DLC1: variants seen among roughly 807,000 people sequenced by gnomAD.
DLC1 encodes DLC1 Rho GTPase activating protein.
A neutral mutation model predicts 140.3 loss-of-function variants in DLC1; 54 were observed. That is an observed-to-expected ratio of 0.38 (90% CI 0.31 to 0.48). The LOEUF (loss-of-function observed/expected upper bound fraction) is 0.48. Ranked by LOEUF, DLC1 falls within the 20% of genes least tolerant of loss-of-function variation. The pLI, the probability that DLC1 is intolerant of heterozygous loss-of-function variation, is 0.96. For missense variants in DLC1, 2,536 were observed against 1,907.0 expected (o/e 1.33, Z -6.14); for synonymous variants, 986 against 728.1 (o/e 1.35, Z -5.70).
chr8:13,371,942 T>C (rs1835749733), intron 4 of DLC1, among the ~76,000 whole-genome samples: 1 of 152,074 alleles, frequency 6.6e-6, no homozygotes, highest in Non-Finnish European at 1.5e-5. Flanking sequence ...ACTGAGGAAG[T>C]ATATCATAAA....
At chr8:13,403,162 T>A (rs1036727862) in intron 2 of DLC1, among the ~76,000 whole-genome samples, 7 of 152,242 alleles carry the variant, frequency 4.6e-5, no homozygotes, top group Non-Finnish European at 8.8e-5. Context: ...ATGCTGTTGT[T>A]ATTACTTCAG....
chr8:13,460,860 T>C (rs1019467302), intron 2 of DLC1, among the ~76,000 whole-genome samples: 3 of 152,204 alleles, frequency 2.0e-5, no homozygotes, highest in Non-Finnish European at 4.4e-5. Context: ...CTTTCCTCTA[T>C]GGAGTTACAG....
intron 2 of DLC1, among the ~76,000 whole-genome samples, chr8:13,489,940 T>C (rs1436236544): frequency 6.6e-6 from 1 of 152,224 alleles, no homozygotes; most frequent in Non-Finnish European, 1.5e-5. Context: ...CTGTACTATG[T>C]GGATGTTTAA....
At chr8:13,186,142 C>T (rs778603397) in intron 5 of DLC1, among the ~76,000 whole-genome samples, 6 of 152,064 alleles carry the variant, frequency 3.9e-5, no homozygotes, top group Non-Finnish European at 7.4e-5. Context: ...TTGGTCTTCT[C>T]GAGAAGTATC....
chr8:13,600,986 ACTT>A (rs1463208551), intron 1 of DLC1, among the ~76,000 whole-genome samples: 1 of 151,806 alleles, frequency 6.6e-6, no homozygotes, highest in African/African-American at 2.4e-5. Flanking sequence ...TTTATTCAGT[ACTT>A]CTTAACACAT....
chr8:13,350,379 G>T (rs1382900792), intron 4 of DLC1, among the ~76,000 whole-genome samples: 1 of 151,596 alleles, frequency 6.6e-6, no homozygotes, highest in African/African-American at 2.4e-5. Flanking sequence ...TCTTTTCCAA[G>T]ACTATAAGCT....
intron 5 of DLC1, among the ~76,000 whole-genome samples, chr8:13,147,574 G>C (rs559024155): frequency 6.6e-6 from 1 of 152,310 alleles, no homozygotes; most frequent in East Asian, 1.9e-4. Context: ...TAATGAAGCA[G>C]TTCTACTCCA....
At chr8:13,477,130 A>G (rs1483350711) in intron 2 of DLC1, among the ~76,000 whole-genome samples, 1 of 152,190 alleles carries the variant, frequency 6.6e-6, no homozygotes, top group Non-Finnish European at 1.5e-5. Context: ...GAAGCTATGC[A>G]GAGGAAGCAC....
At chr8:13,562,876 A>G (rs920184785) in intron 1 of DLC1, among the ~76,000 whole-genome samples, 1 of 151,736 alleles carries the variant, frequency 6.6e-6, no homozygotes, top group African/African-American at 2.4e-5. Context: ...ATGCTGTTGT[A>G]AAGTGGTATC....
chr8:13,540,735 C>G (rs1242516886), intron 1 of DLC1, among the ~76,000 whole-genome samples: 1 of 152,148 alleles, frequency 6.6e-6, no homozygotes. Flanking sequence ...AAACCCCAAC[C>G]AGTTGGTCAC....
At chr8:13,185,794 C>A (rs578031010) in intron 5 of DLC1, among the ~76,000 whole-genome samples, 64 of 152,214 alleles carry the variant, frequency 4.2e-4, no homozygotes, top group African/African-American at 1.5e-3. Flanking sequence ...CTGGTTGATC[C>A]TTTCCATGTT....
At chr8:13,396,359 T>C (rs1041678061) in intron 3 of DLC1, among the ~76,000 whole-genome samples, 2 of 152,160 alleles carry the variant, frequency 1.3e-5, no homozygotes, top group Non-Finnish European at 2.9e-5. Flanking sequence ...GCGCCTGGCC[T>C]TGCATTAATT....
At chr8:13,427,719 T>C (rs955855176) in intron 2 of DLC1, among the ~76,000 whole-genome samples, 1 of 152,218 alleles carries the variant, frequency 6.6e-6, no homozygotes, top group Non-Finnish European at 1.5e-5. Flanking sequence ...GCAATTATAG[T>C]CATATATGTC....
At chr8:13,531,531 A>G (rs1257630124) in intron 1 of DLC1, among the ~76,000 whole-genome samples, 5 of 152,182 alleles carry the variant, frequency 3.3e-5, no homozygotes. Flanking sequence ...GGTTGCAGTG[A>G]GCCAAGATCA....
chr8:13,294,299 C>T (rs1011818204), intron 5 of DLC1, among the ~76,000 whole-genome samples: 6 of 151,966 alleles, frequency 3.9e-5, no homozygotes, highest in Non-Finnish European at 7.4e-5. Flanking sequence ...TACTGTGCTA[C>T]ATCATGTTTT....
At chr8:13,113,384 T>C (rs1165937389) in intron 6 of DLC1, among the ~76,000 whole-genome samples, 1 of 152,198 alleles carries the variant, frequency 6.6e-6, no homozygotes, top group African/African-American at 2.4e-5. Flanking sequence ...CAATACGCAG[T>C]GTACCCCAAA....
At chr8:13,140,466 C>G (rs1017055315) in intron 5 of DLC1, among the ~76,000 whole-genome samples, 3 of 151,690 alleles carry the variant, frequency 2.0e-5, no homozygotes, top group Non-Finnish European at 4.4e-5. Flanking sequence ...CTCCTGGGCT[C>G]AAGCGATTCG....
At chr8:13,468,094 C>T (rs1384246888) in intron 2 of DLC1, among the ~76,000 whole-genome samples, 1 of 152,160 alleles carries the variant, frequency 6.6e-6, no homozygotes, top group Non-Finnish European at 1.5e-5. Flanking sequence ...GTAAAATCAT[C>T]TGGACTTGGC....
intron 2 of DLC1, among the ~76,000 whole-genome samples, chr8:13,482,096 G>C (rs939252194): frequency 1.3e-5 from 2 of 152,108 alleles, no homozygotes; most frequent in African/African-American, 2.4e-5. Context: ...ATGACTTTCT[G>C]TTCTTTTAAG....
Sources: allele counts gnomAD v4.1 joint callset (sites outside exome capture counted in the v4.1 genomes callset), GRCh38; gene constraint gnomAD v4.1.1; transcripts MANE v1.5; gene names NCBI Gene and HGNC (gene_info 2026-07-23, HGNC 2026-07-21).